RAPGEF2: variants seen among roughly 807,000 people sequenced by gnomAD.
The protein encoded by RAPGEF2 is Rap guanine nucleotide exchange factor 2.
In RAPGEF2, 54 loss-of-function variants were observed where a neutral mutation model predicts 186.7. That is an observed-to-expected ratio of 0.29 (90% CI 0.23 to 0.36). The LOEUF is 0.36. Ranked by LOEUF, RAPGEF2 falls within the 10% of genes least tolerant of loss-of-function variation. RAPGEF2 has a pLI of 1.00. For missense variants in RAPGEF2, 1,532 were observed against 2,045.0 expected, an observed-to-expected ratio of 0.75 and a Z score of 4.84; for synonymous variants, 712 against 705.9, an observed-to-expected ratio of 1.01 and a Z score of -0.14.
At chr4:159,169,477 A>T (rs1745672834) in intron 1 of RAPGEF2, among the ~76,000 whole-genome samples, 1 of 152,184 alleles carries the variant, frequency 6.6e-6, no homozygotes, top group African/African-American at 2.4e-5. Context: ...GTGATTTAAG[A>T]ATACAATATA....
rs1042034023 is a variant in RAPGEF2, at chr4:159,249,730, C to T, written c.543+5939C>T. 2.6e-5 allele frequency among the ~76,000 whole-genome samples: 4 copies of T among 151,806 alleles called. No homozygotes were observed. The East Asian group carries it at 7.7e-4, about 29-fold the overall frequency. ...TTTTAAAAACTGATCAGGGAAAAAC[C>T]TCCACTTCTTTTTCCCAGTAACAGC... is the stretch of plus-strand genomic sequence containing the variant. On this transcript the variant is annotated intron_variant, in intron 7 of 29. Transcript: ENST00000691494.
intron 7 of RAPGEF2, among the ~76,000 whole-genome samples, chr4:159,249,719 C>G (rs1009223658): frequency 1.3e-5 from 2 of 151,820 alleles, no homozygotes; most frequent in African/African-American, 2.4e-5. Context: ...AAAAACTGAT[C>G]AGGGAAAAAC....
intron 7 of RAPGEF2, among the ~76,000 whole-genome samples, chr4:159,251,203 G>A (rs555742384): frequency 5.9e-5 from 9 of 152,244 alleles, no homozygotes; most frequent in Non-Finnish European, 7.3e-5. Flanking sequence ...AGCCCGCCAT[G>A]TCCGAGCCCC....
intron 7 of RAPGEF2, among the ~76,000 whole-genome samples, chr4:159,250,043 C>A (rs1260109333): frequency 1.3e-5 from 2 of 152,036 alleles, no homozygotes; most frequent in Non-Finnish European, 2.9e-5. Context: ...CTAAAAAATA[C>A]CTTTAAAGAT....
At position 159,332,579 on chromosome 4, in the gene RAPGEF2, G is replaced by A. The variant is rs1410387795; in HGVS notation, c.2017G>A (p.Val673Met). Residue 673 changes from valine (V) to methionine (M), a missense_variant, in exon 17 of 30, where the codon GTG becomes ATG. Transcript: ENST00000691494. The stretch of plus-strand genomic sequence containing the variant: ...AGATCTTGCTGTAGATGTAGAACAG[G>A]TGATAGGACTTGAAAAAGTGAACAA... Reference protein sequence around the residue: ...IPDLAVDVEQVIGLEKVNKKS... With the variant: ...IPDLAVDVEQMIGLEKVNKKS... 2 of 1,614,156 alleles carry A rather than the reference G, an allele frequency of 1.2e-6. No individual in the cohort carries two copies. The highest frequency in any genetic ancestry group is 8.5e-7 in the Non-Finnish European group (1 of 1,180,018).
At chr4:159,343,976 G>GTGA in intron 22 of RAPGEF2, 60 bp from the exon 23 acceptor site, 2 of 1,503,194 alleles carry the variant, frequency 1.3e-6, no homozygotes, top group Non-Finnish European at 9.3e-7. Flanking sequence ...TTCTGAGCTT[G>GTGA]TGATCTTTCT....
At chr4:159,351,700 T>C (rs1233344629) in intron 26 of RAPGEF2, among the ~76,000 whole-genome samples, 1 of 152,076 alleles carries the variant, frequency 6.6e-6, no homozygotes, top group Non-Finnish European at 1.5e-5. Context: ...CCCAGCACTT[T>C]GGGAGGCCAA....
At chr4:159,221,397 G>C (rs1751527899) in intron 4 of RAPGEF2, among the ~76,000 whole-genome samples, 1 of 152,168 alleles carries the variant, frequency 6.6e-6, no homozygotes, top group African/African-American at 2.4e-5. Context: ...ATAGAGCAAA[G>C]TTACCTTTTC....
chr4:159,284,413 G>A (rs1760153155), intron 7 of RAPGEF2, among the ~76,000 whole-genome samples: 1 of 151,466 alleles, frequency 6.6e-6, no homozygotes, highest in Admixed American at 6.6e-5. Flanking sequence ...TTTTTCCTAA[G>A]GGATCATGGA....
chr4:159,159,931 G>A (rs1400254944), intron 1 of RAPGEF2, among the ~76,000 whole-genome samples: 1 of 152,098 alleles, frequency 6.6e-6, no homozygotes, highest in African/African-American at 2.4e-5. Context: ...TTATAACACA[G>A]GTATTATTGA....
At chr4:159,342,065 G>A in intron 20 of RAPGEF2, 118 bp downstream of exon 20, 1 of 1,024,300 alleles carries the variant, frequency 9.8e-7, no homozygotes, top group South Asian at 2.2e-5. Flanking sequence ...ACTCATAAGA[G>A]ACAATTCTTT....
In RAPGEF2 at chr4:159,341,988, C is replaced by T. The variant is rs374400918; in HGVS notation, c.2918+41C>T. 43 of 1,523,914 alleles carry T rather than the reference C, an allele frequency of 2.8e-5. No individual in the cohort carries two copies. In the African/African-American group the frequency reaches 5.2e-4, roughly 18 times the overall value. The allele number at this position is 1,523,914 out of a possible 1,614,324, so 94.4% of individuals were successfully genotyped here. A position where few individuals can be genotyped will look rare whatever the true frequency, so the allele number is the denominator to read the frequency against. ...TTTTCTTAAGATTCAGTTCAGTTCACAGATTTAAAATATGTATCAGTCCAG... is the reference window on the plus strand; with the variant it reads ...TTTTCTTAAGATTCAGTTCAGTTCATAGATTTAAAATATGTATCAGTCCAG... On this transcript the variant is annotated intron_variant, in intron 20 of 29. Coordinates refer to ENST00000691494, the MANE Select transcript of RAPGEF2 (RefSeq NM_001394067.2).
Position 159,332,034 on chromosome 4 carries a change from G to T in RAPGEF2, c.1888G>T (p.Val630Leu). The T allele has an allele frequency of 1.3e-6, 2 of 1,565,346 alleles. No individual in the cohort carries two copies. Among genetic ancestry groups the T allele is most frequent in the South Asian group, 2.4e-5 (2 of 84,464 alleles). Residue 630 changes from valine to leucine, a missense_variant and splice_region_variant, in exon 16 of 30, where the codon GTA (valine) becomes TTA (leucine). Physicochemically the swap from Val to Leu is conservative, Grantham distance 32 (BLOSUM62 1). Around this residue, in one of 4 missense-constraint regions of RAPGEF2, gnomAD observed 810 missense variants for 1,210.5 expected, o/e 0.67. Coordinates refer to ENST00000691494, the MANE Select transcript of RAPGEF2 (RefSeq NM_001394067.2). Reference protein sequence around the residue: ...LSITVKTNLFVFKELLTRLSE... With the variant: ...LSITVKTNLFLFKELLTRLSE... ...TATCACTGTGAAAACCAATTTATTT[G>T]GTAAGTATTTTGCATACTTTTCATT...
chr4:159,331,481 A>G lies in RAPGEF2; in HGVS notation c.1518A>G (p.Glu506=). 6.2e-7 allele frequency: 1 copy of G among 1,613,556 alleles called. No homozygotes were observed. The highest frequency in any genetic ancestry group is 8.5e-7 in the Non-Finnish European group (1 of 1,179,568). The change falls in exon 14 of 30, where the codon GAA becomes GAG. Residue 506 remains glutamate (E), a synonymous_variant. Transcript: ENST00000691494. ...LWVNNHFNDF[E]GDPAMTRFLE... is the part of the protein sequence containing the mutation. The stretch of plus-strand genomic sequence containing the variant: ...TAAATAATCACTTCAATGACTTTGA[A>G]GGAGATCCTGCAATGACTCGATTTT...
chr4:159,222,492 G>T (rs1451875819), intron 4 of RAPGEF2, among the ~76,000 whole-genome samples: 11 of 152,144 alleles, frequency 7.2e-5, no homozygotes, highest in Admixed American at 7.2e-4. Flanking sequence ...TTCTCTTGAA[G>T]AAATAAATAA....
Position 159,315,036 on chromosome 4 carries a change from C to CA in RAPGEF2, c.853+281dup, listed in dbSNP as rs11353791. ...ACCCTTTCTTAAGCTTAGTTTATGACAAAAAAAAAAAAAGTTAAAATGAGC... is the reference window on the plus strand; with the variant it reads ...ACCCTTTCTTAAGCTTAGTTTATGACAAAAAAAAAAAAAAGTTAAAATGAGC... On this transcript the variant is annotated intron_variant, in intron 9 of 29. Coordinates refer to ENST00000691494, the MANE Select transcript of RAPGEF2 (RefSeq NM_001394067.2). Among the ~76,000 whole-genome samples the CA allele has an allele frequency of 2.7e-3, 388 of 145,352 alleles. 3 individuals are homozygous for CA. The highest frequency in any genetic ancestry group is 7.6e-3 in the African/African-American group (300 of 39,556).
chr4:159,207,125 G>T (rs1177270913), intron 3 of RAPGEF2, among the ~76,000 whole-genome samples: 3 of 152,164 alleles, frequency 2.0e-5, no homozygotes, highest in Non-Finnish European at 4.4e-5. Flanking sequence ...TATAACTCTT[G>T]CAAGTTAGCT....
chr4:159,342,548 T>TTTATTTTATA (rs1351475633), intron 20 of RAPGEF2, among the ~76,000 whole-genome samples: 3 of 91,108 alleles, frequency 3.3e-5, no homozygotes, highest in Non-Finnish European at 7.1e-5. Flanking sequence ...TTTATTTTAT[T>TTTATTTTATA]TTATATTATT....
intron 11 of RAPGEF2, among the ~76,000 whole-genome samples, chr4:159,323,959 C>T (rs934124988): frequency 4.6e-5 from 7 of 151,510 alleles, no homozygotes; most frequent in South Asian, 2.1e-4. Flanking sequence ...TGCAGTGGCG[C>T]GATCTCAGCT....
Sources: gnomAD v4.1 joint callset for allele counts (sites outside exome capture counted in the v4.1 genomes callset) on GRCh38, gnomAD v4.1.1 for gene constraint, gnomAD v4.1.1 regional missense constraint, MANE v1.5 for transcripts, NCBI Gene and HGNC (gene_info 2026-07-23, HGNC 2026-07-21) for gene names.